The following AACS variants were observed in gnomAD, a reference collection of about 807,000 sequenced individuals.
AACS encodes the protein acetoacetate-CoA ligase.
A neutral mutation model predicts 83.1 loss-of-function variants in AACS; 69 were observed. The observed-to-expected ratio is 0.83, with a 90% confidence interval of 0.68 to 1.01. The LOEUF is 1.01. Among genes scored for constraint, AACS ranks in the 50% least tolerant of loss-of-function variants. AACS has a pLI of 0.00. For missense variants in AACS, 866 were observed against 882.2 expected (o/e 0.98, Z 0.23); for synonymous variants, 333 against 343.4 (o/e 0.97, Z 0.33).
At chr12:125,078,118 C>T (rs1030245739) in intron 3 of AACS, 21 of 456,180 alleles carry the variant, frequency 4.6e-5, no homozygotes, top group Non-Finnish European at 9.3e-5. Context: ...AACCAAACCA[C>T]TGGAAACAGG....
In AACS at chr12:125,129,552, T is replaced by A. The variant is rs1957299561; in HGVS notation, c.1549+92T>A. 6.8e-7 allele frequency: 1 copy of A among 1,473,372 alleles called. No homozygotes were observed. The highest frequency in any genetic ancestry group is 9.1e-7 in the Non-Finnish European group (1 of 1,097,372). 91.3% of individuals were successfully genotyped at this position (1,473,372 alleles called of 1,614,324 possible). A position where few individuals can be genotyped will look rare whatever the true frequency, so the allele number is the denominator to read the frequency against. Reference sequence around the variant, plus strand: ...CTGTACCATCGTGCCCCTCCCCTCTTCCTTCCCCCACCAGGGCTTGGAGAA... The same window carrying A: ...CTGTACCATCGTGCCCCTCCCCTCTACCTTCCCCCACCAGGGCTTGGAGAA... On this transcript the variant is annotated intron_variant, in intron 14 of 17. Coordinates refer to ENST00000316519, the MANE Select transcript of AACS (RefSeq NM_023928.5). This position sits in a 1 kb window ranked among gnomAD's most constrained non-coding sequence, Gnocchi z 4.3.
chr12:125,077,115 T>G (rs915667101), intron 3 of AACS, among the ~76,000 whole-genome samples: 1 of 150,244 alleles, frequency 6.7e-6, no homozygotes, highest in African/African-American at 2.5e-5. Context: ...AGGGTCTTGC[T>G]ATGTTGTCCA....
chr12:125,098,740 C>T (rs919675103), intron 5 of AACS, among the ~76,000 whole-genome samples: 4 of 152,344 alleles, frequency 2.6e-5, no homozygotes, highest in South Asian at 2.1e-4. Context: ...CGTGAGCCAC[C>T]GCTCCTGGCC....
At position 125,106,915 on chromosome 12, in the gene AACS, C is replaced by T. The variant is rs143171369; in HGVS notation, c.768-206C>T. ...AAGCAACTTGAAACCTTCACTCGTT[C>T]GATGAGTTTTCCTTCAATTAGCTTG... On this transcript the variant is annotated intron_variant, in intron 7 of 17. Transcript: ENST00000316519. 3.0e-4 allele frequency among the ~76,000 whole-genome samples: 45 copies of T among 152,262 alleles called. 1 individual carries two copies. In the East Asian group the frequency reaches 8.7e-3, roughly 29 times the overall value.
chr12:125,096,938 C>A (rs966496116), intron 5 of AACS, among the ~76,000 whole-genome samples: 3 of 151,960 alleles, frequency 2.0e-5, no homozygotes, highest in East Asian at 1.9e-4. Flanking sequence ...ATGCTTCTGT[C>A]CCAGTCTCCT....
intron 2 of AACS, 46 bp from the exon 3 acceptor site, chr12:125,076,445 C>T (rs376860308): frequency 1.9e-5 from 31 of 1,603,616 alleles, no homozygotes; most frequent in African/African-American, 1.6e-4. Flanking sequence ...TGATCTGTAG[C>T]GTAGTCTCAT....
chr12:125,076,755 A>T, intron 3 of AACS, 144 bp downstream of exon 3: 1 of 1,348,244 alleles, frequency 7.4e-7, no homozygotes, highest in Non-Finnish European at 1.0e-6. Flanking sequence ...TGTCGACTTT[A>T]TTTTTGCTGG....
intron 5 of AACS, among the ~76,000 whole-genome samples, chr12:125,095,524 G>C (rs1360483352): frequency 2.6e-5 from 4 of 152,184 alleles, no homozygotes; most frequent in Non-Finnish European, 5.9e-5. Flanking sequence ...CTCCCAGGCT[G>C]GCTCTCTCTG....
At chr12:125,134,689 G>T (rs1957375197) in intron 15 of AACS, 105 bp from the exon 16 acceptor site, 2 of 1,270,582 alleles carry the variant, frequency 1.6e-6, no homozygotes, top group African/African-American at 1.5e-5. Context: ...ACTAGTCCTG[G>T]GGGATGCCAT....
chr12:125,141,892 A>G lies in AACS; in HGVS notation c.1882-200A>G, dbSNP rs548727141. Among the ~76,000 whole-genome samples, 3 of 151,896 alleles carry G rather than the reference A, an allele frequency of 2.0e-5. No homozygotes were observed. In the East Asian group the frequency reaches 5.9e-4, roughly 30 times the overall value. On this transcript the variant is annotated intron_variant, in intron 17 of 17. Coordinates refer to ENST00000316519, the MANE Select transcript of AACS (RefSeq NM_023928.5). ...CAGAAGAACAGGTTTTATCCCCCAA[A>G]CAGAGAGACAGTGGTCAGTTCACCG...
At position 125,134,790 on chromosome 12, in the gene AACS, C is replaced by G. The variant is rs1209586765; in HGVS notation, c.1620-4C>G. ...TGTGGCCCTGACCTCTTCTCTCTTTCCAGTGACGGCACCCTCAACCCCAAC... is the reference window on the plus strand; with the variant it reads ...TGTGGCCCTGACCTCTTCTCTCTTTGCAGTGACGGCACCCTCAACCCCAAC... On this transcript the variant is annotated splice_polypyrimidine_tract_variant and splice_region_variant and intron_variant, in intron 15 of 17. Transcript: ENST00000316519. 1.9e-6 allele frequency: 3 copies of G among 1,614,160 alleles called. No homozygotes were observed. Among genetic ancestry groups the G allele is most frequent in the Non-Finnish European group, 1.7e-6 (2 of 1,180,012 alleles).
Position 125,142,711 on chromosome 12 carries a change from GAC to G in AACS, c.*486_*487del, listed in dbSNP as rs1445140823. 1.3e-5 allele frequency: 2 copies of G among 154,120 alleles called. No individual in the cohort carries two copies. Among genetic ancestry groups the G allele is most frequent in the Non-Finnish European group, 2.9e-5 (2 of 69,316 alleles). 9.5% of individuals were successfully genotyped at this position (154,120 alleles called of 1,614,324 possible). ...TGTTAGAAAGGAACCCCCGTGACTT[GAC>G]ACAGCTTTCACAGCTGGCTGCTAGG... On this transcript the variant is annotated 3_prime_UTR_variant, in exon 18 of 18. Coordinates refer to ENST00000316519, the MANE Select transcript of AACS (RefSeq NM_023928.5).
chr12:125,082,468 A>T (rs1265934505), intron 3 of AACS, among the ~76,000 whole-genome samples: 2 of 146,050 alleles, frequency 1.4e-5, no homozygotes, highest in Non-Finnish European at 3.0e-5. Flanking sequence ...GAGCTGTAAC[A>T]CCTGGCTGGA....
rs562359134 is a variant in AACS, at chr12:125,108,837, T to C, written c.915+1569T>C. 1.1e-3 allele frequency among the ~76,000 whole-genome samples: 164 copies of C among 149,678 alleles called. 2 individuals are homozygous for C. Among genetic ancestry groups the C allele is most frequent in the Non-Finnish European group, 2.1e-3 (139 of 67,698 alleles). On this transcript the variant is annotated intron_variant, in intron 8 of 17. Transcript: ENST00000316519. ...CGTGTGCCGCTATGCCCTACTCGTT[T>C]TTTTGTTTGTTTTGTATTTTTGTGG...
In AACS at chr12:125,073,009, C is replaced by T. The variant is rs904882936; in HGVS notation, c.134-867C>T. Among the ~76,000 whole-genome samples, 30 of 143,658 alleles carry T rather than the reference C, an allele frequency of 2.1e-4. 1 individual carries two copies. Among genetic ancestry groups the T allele is most frequent in the Non-Finnish European group, 4.5e-5 (3 of 66,658 alleles). The allele number at this position is 143,658 out of a possible 152,430, so 94.2% of individuals were successfully genotyped here. A position where few individuals can be genotyped will look rare whatever the true frequency, so the allele number is the denominator to read the frequency against. ...GTGGCGCGATCTCGGCTCACTTCAT[C>T]CTCGGCCTCCCAGGTTTAAGCAGTT... On this transcript the variant is annotated intron_variant, in intron 1 of 17. Coordinates refer to ENST00000316519, the MANE Select transcript of AACS (RefSeq NM_023928.5).
At position 125,080,271 on chromosome 12, in the gene AACS, C is replaced by T. The variant is rs1245475676; in HGVS notation, c.358+3660C>T. On this transcript the variant is annotated intron_variant, in intron 3 of 17. Transcript: ENST00000316519. ...GTGCTTTAACCCAATGTCTCAGACA[C>T]TTCATGAGCTCCTGGTTTCTCCTGT... Among the ~76,000 whole-genome samples, 4 of 152,200 alleles carry T rather than the reference C, an allele frequency of 2.6e-5. 1 individual carries two copies. Among genetic ancestry groups the T allele is most frequent in the African/African-American group, 9.6e-5 (4 of 41,452 alleles).
chr12:125,107,592 G>A (rs374792278), intron 8 of AACS, among the ~76,000 whole-genome samples: 2 of 152,190 alleles, frequency 1.3e-5, no homozygotes, highest in African/African-American at 4.8e-5. Flanking sequence ...TGGACCACCT[G>A]GGGGATTGTG....
intron 10 of AACS, chr12:125,121,094 G>A (rs553292803): frequency 6.6e-6 from 1 of 152,442 alleles, no homozygotes; most frequent in East Asian, 1.9e-4. Context: ...CGCTGAGGCT[G>A]ATTGAGGTGT....
chr12:125,107,836 G>A (rs1182043731), intron 8 of AACS, among the ~76,000 whole-genome samples: 2 of 152,186 alleles, frequency 1.3e-5, no homozygotes, highest in Non-Finnish European at 2.9e-5. Flanking sequence ...GGTGGCACAT[G>A]CCTGTAGTCT....
Sources: gnomAD v4.1 joint callset for allele counts (sites outside exome capture counted in the v4.1 genomes callset) on GRCh38, gnomAD v4.1.1 for gene constraint, Gnocchi (gnomAD v3.1) non-coding constraint, MANE v1.5 for transcripts, NCBI Gene and HGNC (gene_info 2026-07-23, HGNC 2026-07-21) for gene names.